Variants in PRKCA observed in about 807,000 individuals in gnomAD.
PRKCA encodes protein kinase C alpha, also known as protein kinase C alpha type.
In PRKCA, 27 loss-of-function variants were observed where a neutral mutation model predicts 87.0. The observed-to-expected ratio is 0.31, with a 90% confidence interval of 0.23 to 0.43. The LOEUF (loss-of-function observed/expected upper bound fraction) is 0.43. PRKCA is among the 20% of genes least tolerant of loss of function. The probability of loss-of-function intolerance (pLI) is 1.00; values close to 1 mark genes in which losing one functional copy is unlikely to be tolerated. For synonymous variants in PRKCA, 329 were observed against 311.1 expected (o/e 1.06, Z -0.61); for missense variants, 518 against 852.3 (o/e 0.61, Z 4.88).
intron 5 of PRKCA, among the ~76,000 whole-genome samples, chr17:66,658,632 G>T (rs1017691405): frequency 6.6e-6 from 1 of 152,152 alleles, no homozygotes; most frequent in African/African-American, 2.4e-5. Flanking sequence ...ATCATATGGC[G>T]TTGACTTTGA....
intron 2 of PRKCA, among the ~76,000 whole-genome samples, chr17:66,343,101 AT>A (rs527607622): frequency 0.031 from 4,562 of 147,804 alleles, 223 homozygotes; most frequent in African/African-American, 0.1. Context: ...AACCTGAATA[AT>A]TTTTTTTTTT....
chr17:66,355,182 T>C (rs1332507047), intron 2 of PRKCA, among the ~76,000 whole-genome samples: 3 of 152,140 alleles, frequency 2.0e-5, no homozygotes, highest in Non-Finnish European at 4.4e-5. Flanking sequence ...TTCTTTTCAG[T>C]TTATATATGC....
intron 3 of PRKCA, among the ~76,000 whole-genome samples, chr17:66,618,253 G>A (rs1970568432): frequency 6.6e-6 from 1 of 151,872 alleles, no homozygotes; most frequent in Admixed American, 6.6e-5. Flanking sequence ...TGCTGGGGAG[G>A]CTGAGGTGGG....
At chr17:66,443,377 A>G (rs80207587) in intron 2 of PRKCA, among the ~76,000 whole-genome samples, 2,260 of 152,334 alleles carry the variant, frequency 0.015, 62 homozygotes, top group African/African-American at 0.052. Context: ...AAAGAAGTGT[A>G]GCCTTGGAAA....
At chr17:66,596,410 G>A in intron 3 of PRKCA, among the ~76,000 whole-genome samples, 1 of 152,058 alleles carries the variant, frequency 6.6e-6, no homozygotes, top group East Asian at 1.9e-4. Flanking sequence ...TCAGAGCCAG[G>A]CTCTGCTCCA....
At chr17:66,356,114 G>T (rs984113990) in intron 2 of PRKCA, among the ~76,000 whole-genome samples, 12 of 152,090 alleles carry the variant, frequency 7.9e-5, no homozygotes, top group Admixed American at 7.9e-4. Flanking sequence ...GGCCAAGCTG[G>T]TCTCAAACTC....
At chr17:66,693,806 C>A (rs995867781) in intron 8 of PRKCA, among the ~76,000 whole-genome samples, 1 of 152,190 alleles carries the variant, frequency 6.6e-6, no homozygotes, top group African/African-American at 2.4e-5. Context: ...GCCACAAATA[C>A]ATAAACAAAT....
intron 2 of PRKCA, among the ~76,000 whole-genome samples, chr17:66,480,563 T>A (rs1353994893): frequency 6.6e-6 from 1 of 152,226 alleles, no homozygotes; most frequent in Non-Finnish European, 1.5e-5. Flanking sequence ...GAATTAAAAA[T>A]TGCCACTGCA....
intron 3 of PRKCA, among the ~76,000 whole-genome samples, chr17:66,528,205 A>G (rs2144250536): frequency 6.8e-6 from 1 of 146,352 alleles, no homozygotes; most frequent in Non-Finnish European, 1.5e-5. Context: ...GTGACAGAGC[A>G]AACGAAACTC....
rs1976019297 is a variant in PRKCA at position 66,805,779 on chromosome 17, G to A, written c.*1742G>A. ...ACACGTGGCATTGCCGCAGCACCTG[G>A]GCTGACCTTTGTGTGTGCGTGTGTG... is the stretch of plus-strand genomic sequence containing the variant. On this transcript the variant is annotated 3_prime_UTR_variant, in exon 17 of 17. Coordinates refer to ENST00000413366, the MANE Select transcript of PRKCA (RefSeq NM_002737.3). The A allele has an allele frequency of 6.6e-6, 1 of 152,130 alleles. No homozygotes were observed. Among genetic ancestry groups the A allele is most frequent in the African/African-American group, 2.4e-5 (1 of 41,374 alleles). 9.4% of individuals were successfully genotyped at this position (152,130 alleles called of 1,614,324 possible). A position where few individuals can be genotyped will look rare whatever the true frequency, so the allele number is the denominator to read the frequency against.
intron 16 of PRKCA, chr17:66,796,631 G>A (rs1975676731): frequency 1.0e-6 from 1 of 985,300 alleles, no homozygotes; most frequent in Non-Finnish European, 1.2e-6. Flanking sequence ...CAGAGAAAGG[G>A]CAGACCAATG....
At chr17:66,330,362 C>A (rs1041650910) in intron 2 of PRKCA, among the ~76,000 whole-genome samples, 6 of 152,148 alleles carry the variant, frequency 3.9e-5, no homozygotes, top group Non-Finnish European at 7.3e-5. Context: ...CTGCCTCTGC[C>A]TCCCAAAGTG....
intron 14 of PRKCA, chr17:66,774,548 G>A (rs1975006385): frequency 8.5e-6 from 7 of 825,848 alleles, no homozygotes; most frequent in South Asian, 5.1e-5. Flanking sequence ...TTAAGCCTGA[G>A]AGGCGGAGGC....
At chr17:66,548,750 G>T (rs748796535) in intron 3 of PRKCA, among the ~76,000 whole-genome samples, 2 of 152,018 alleles carry the variant, frequency 1.3e-5, no homozygotes, top group African/African-American at 2.4e-5. Flanking sequence ...AAGGCAGGGC[G>T]GCTGGAGGAG....
At chr17:66,656,963 G>C (rs1971751133) in intron 5 of PRKCA, among the ~76,000 whole-genome samples, 1 of 152,156 alleles carries the variant, frequency 6.6e-6, no homozygotes, top group Non-Finnish European at 1.5e-5. Context: ...TGTTGTAAAG[G>C]AATCTCCCAT....
At chr17:66,506,609 A>C (rs1295070325) in intron 3 of PRKCA, among the ~76,000 whole-genome samples, 1 of 152,150 alleles carries the variant, frequency 6.6e-6, no homozygotes, top group Non-Finnish European at 1.5e-5. Context: ...TGAGACTTTT[A>C]CTGAACTCCC....
chr17:66,764,160 G>T (rs925952967), intron 13 of PRKCA, among the ~76,000 whole-genome samples: 2 of 152,202 alleles, frequency 1.3e-5, no homozygotes, highest in Non-Finnish European at 2.9e-5. Flanking sequence ...TTTGCAATGG[G>T]CCTTATGAGG....
chr17:66,714,219 C>G (rs550950166), intron 8 of PRKCA, among the ~76,000 whole-genome samples: 17 of 151,970 alleles, frequency 1.1e-4, no homozygotes, highest in African/African-American at 3.6e-4. Context: ...CATGTTCCCC[C>G]CCACCCGCTG....
intron 3 of PRKCA, among the ~76,000 whole-genome samples, chr17:66,577,179 A>G (rs1567909370): frequency 6.6e-6 from 1 of 152,086 alleles, no homozygotes; most frequent in Non-Finnish European, 1.5e-5. Context: ...CCTGTGATGC[A>G]CTTTTAATCA....
Sources: gnomAD v4.1 joint callset for allele counts (sites outside exome capture counted in the v4.1 genomes callset) on GRCh38, gnomAD v4.1.1 for gene constraint, MANE v1.5 for transcripts, NCBI Gene and HGNC (gene_info 2026-07-23, HGNC 2026-07-21) for gene names.